ANKRD18B: variants seen among roughly 807,000 people sequenced by gnomAD.
The protein encoded by ANKRD18B is ankyrin repeat domain 18B, also known as ankyrin repeat domain-containing protein 18B.
Under a neutral mutation model 111.8 loss-of-function variants are expected in ANKRD18B, and 75 were observed. The ratio of observed to expected loss-of-function variants is 0.67; its 90% CI spans 0.56 to 0.81. The LOEUF (loss-of-function observed/expected upper bound fraction) is 0.81. Ranked by LOEUF, ANKRD18B falls within the 40% of genes least tolerant of loss-of-function variation. The pLI is 0.00. For synonymous variants in ANKRD18B, 356 were observed against 417.3 expected (o/e 0.85, Z 1.79); for missense variants, 1,038 against 1,225.5 (o/e 0.85, Z 2.28).
In ANKRD18B at chr9:33,535,387, G is replaced by A. The variant is rs189700051; in HGVS notation, c.740+880G>A. 2.7e-3 allele frequency among the ~76,000 whole-genome samples: 405 copies of A among 152,106 alleles called. 3 individuals are homozygous for A. Among genetic ancestry groups the A allele is most frequent in the African/African-American group, 9.1e-3 (379 of 41,494 alleles). On this transcript the variant is annotated intron_variant, in intron 5 of 18. Transcript: ENST00000684830. ...TGCAAGCTCCCCCTCCTGGGTTCAC[G>A]CTATTCTCCTGCCTCAGCCTCCCGA...
intron 9 of ANKRD18B, 106 bp from the exon 10 acceptor site, chr9:33,543,079 A>G (rs939794118): frequency 9.3e-7 from 1 of 1,074,478 alleles, no homozygotes; most frequent in Non-Finnish European, 1.3e-6. Context: ...CTTCATTTAA[A>G]TTCTCAATTT....
At position 33,548,758 on chromosome 9, in the gene ANKRD18B, A is replaced by G. The variant is rs1437249579; in HGVS notation, c.1970A>G (p.Glu657Gly). The G allele has an allele frequency of 6.5e-7, 1 of 1,550,180 alleles. No homozygotes were observed. Among genetic ancestry groups the G allele is most frequent in the Non-Finnish European group, 8.7e-7 (1 of 1,146,316 alleles). The part of the protein sequence containing the change: ...IHRDCLENGK[E>G]DLLEERNKEL... ...AGAGACTGTCTTGAGAATGGAAAGG[A>G]AGATCTTCTAGAAGAAAGAAATAAG... The change falls in exon 11 of 19, where the codon GAA becomes GGA. Residue 657 changes from glutamate (E) to glycine (G), a missense_variant. By Grantham distance (98) the Glu-to-Gly change is moderately conservative (BLOSUM62 -2). Around this residue, in one of 4 missense-constraint regions of ANKRD18B, gnomAD observed 524 missense variants for 677.9 expected, o/e 0.77. Transcript: ENST00000684830.
At chr9:33,534,288 G>A (rs1828162430) in intron 4 of ANKRD18B, 82 bp from the exon 5 acceptor site, 6 of 1,456,582 alleles carry the variant, frequency 4.1e-6, no homozygotes, top group Non-Finnish European at 5.4e-6. Context: ...GGCAAGATAT[G>A]AAATTGGTAA....
intron 17 of ANKRD18B, among the ~76,000 whole-genome samples, chr9:33,570,916 G>A (rs569204341): frequency 5.9e-4 from 89 of 152,106 alleles, no homozygotes; most frequent in Non-Finnish European, 8.5e-4. Context: ...GATTACAGGC[G>A]TGAGCTGCCA....
rs529377069 is a variant in ANKRD18B, at chr9:33,560,581, A to G, written c.2460+2394A>G. ...TCTTCTTATTGCTGAGTAATATTCC[A>G]TTGTATGAATACATCAAACATTTTA... On this transcript the variant is annotated intron_variant, in intron 14 of 18. Transcript: ENST00000684830. Among the ~76,000 whole-genome samples, 7 of 152,330 alleles carry G rather than the reference A, an allele frequency of 4.6e-5. No individual in the cohort carries two copies. The South Asian group carries it at 1.4e-3, about 32-fold the overall frequency.
At chr9:33,536,603 C>G (rs1369619923) in intron 5 of ANKRD18B, among the ~76,000 whole-genome samples, 1 of 152,178 alleles carries the variant, frequency 6.6e-6, no homozygotes, top group Non-Finnish European at 1.5e-5. Context: ...AGAGCGAGGA[C>G]TTACTGTGAA....
At chr9:33,538,491 C>A (rs1828232424) in intron 6 of ANKRD18B, among the ~76,000 whole-genome samples, 1 of 152,166 alleles carries the variant, frequency 6.6e-6, no homozygotes, top group Non-Finnish European at 1.5e-5. Flanking sequence ...AATCCCAGCA[C>A]ATGGCAGGCC....
At chr9:33,537,021 G>T (rs1017030028) in intron 6 of ANKRD18B, 76 bp downstream of exon 6, 7 of 1,150,598 alleles carry the variant, frequency 6.1e-6, no homozygotes, top group Non-Finnish European at 8.3e-6. Context: ...TACAGGCCAG[G>T]CATGGTGGCT....
In ANKRD18B at chr9:33,548,265, C is replaced by T. The variant is rs748949855; in HGVS notation, c.1477C>T (p.Leu493Phe). The T allele has an allele frequency of 1.3e-5, 20 of 1,550,928 alleles. No homozygotes were observed. Among genetic ancestry groups the T allele is most frequent in the Admixed American group, 3.9e-5 (2 of 50,898 alleles). Residue 493 changes from leucine (L) to phenylalanine (F), a missense_variant, in exon 11 of 19, where the codon CTC becomes TTC. Transcript: ENST00000684830. ...AAGACTAGAAGCTGAAGTTGAATCC[C>T]TCCATTCTAACTTGGCCACTGCTAT... ...KERLEAEVES[L>F]HSNLATAINE...
chr9:33,546,535 T>A (rs1330341747), intron 10 of ANKRD18B, among the ~76,000 whole-genome samples: 1 of 152,108 alleles, frequency 6.6e-6, no homozygotes, highest in African/African-American at 2.4e-5. Flanking sequence ...TCCTGTACAT[T>A]ATGTTCTAAA....
At chr9:33,549,092 G>T (rs1828410892) in intron 11 of ANKRD18B, among the ~76,000 whole-genome samples, 1 of 152,160 alleles carries the variant, frequency 6.6e-6, no homozygotes, top group African/African-American at 2.4e-5. Context: ...ATTAGGGATT[G>T]TCCTGGAGTG....
At chr9:33,548,924 A>G in intron 11 of ANKRD18B, 69 bp downstream of exon 11, 11 of 1,314,582 alleles carry the variant, frequency 8.4e-6, no homozygotes, top group Middle Eastern at 5.5e-4. Context: ...TATATGTTGA[A>G]CGTAGTTCAA....
At position 33,534,825 on chromosome 9, in the gene ANKRD18B, C is replaced by CTTT. The variant is rs374951470; in HGVS notation, c.740+335_740+337dup. On this transcript the variant is annotated intron_variant, in intron 5 of 18. Coordinates refer to ENST00000684830, the MANE Select transcript of ANKRD18B (RefSeq NM_001393611.1). ...TCTTTTACTTTTTCTTTCTTTCTTC[C>CTTT]TTTTTTTTTTTTTTTTTTTGAGACA... Among the ~76,000 whole-genome samples, 63 of 123,268 alleles carry CTTT rather than the reference C, an allele frequency of 5.1e-4. 1 individual carries two copies. The highest frequency in any genetic ancestry group is 1.1e-3 in the African/African-American group (38 of 33,562). The allele number at this position is 123,268 out of a possible 152,430, so 80.9% of individuals were successfully genotyped here.
At chr9:33,547,623 G>A (rs1828376185) in intron 10 of ANKRD18B, among the ~76,000 whole-genome samples, 1 of 151,672 alleles carries the variant, frequency 6.6e-6, no homozygotes, top group South Asian at 2.1e-4. Flanking sequence ...TATGCTTTGA[G>A]TTTGTTGTAA....
chr9:33,533,657 G>T (rs1828148776), intron 4 of ANKRD18B, 112 bp downstream of exon 4: 29 of 1,412,250 alleles, frequency 2.1e-5, no homozygotes, highest in Non-Finnish European at 2.4e-5. Context: ...ATAATTATTG[G>T]CATATAGTAA....
At chr9:33,559,744 G>A (rs1278415568) in intron 14 of ANKRD18B, among the ~76,000 whole-genome samples, 2 of 151,920 alleles carry the variant, frequency 1.3e-5, no homozygotes, top group Non-Finnish European at 2.9e-5. Context: ...CTGAAACGAA[G>A]CAGCCCATGT....
At chr9:33,559,107 C>A (rs1828570498) in intron 14 of ANKRD18B, among the ~76,000 whole-genome samples, 1 of 152,106 alleles carries the variant, frequency 6.6e-6, no homozygotes, top group South Asian at 2.1e-4. Flanking sequence ...AAGATAAGGT[C>A]ATTATGGAGG....
chr9:33,541,729 C>T (rs760617457), intron 9 of ANKRD18B, among the ~76,000 whole-genome samples: 1 of 152,058 alleles, frequency 6.6e-6, no homozygotes, highest in Non-Finnish European at 1.5e-5. Flanking sequence ...AGATAAGATA[C>T]AATAAAATAA....
chr9:33,541,350 C>A, intron 9 of ANKRD18B, 123 bp downstream of exon 9: 2 of 1,350,606 alleles, frequency 1.5e-6, no homozygotes, highest in South Asian at 3.3e-5. Context: ...CAGTCTATTA[C>A]AAGGTTTTCA....
Sources: allele counts gnomAD v4.1 joint callset (sites outside exome capture counted in the v4.1 genomes callset), GRCh38; gene constraint gnomAD v4.1.1; regional missense constraint gnomAD v4.1.1; transcripts MANE v1.5; gene names NCBI Gene and HGNC (gene_info 2026-07-23, HGNC 2026-07-21).